Variants in CREB5 observed in about 807,000 individuals in gnomAD.
CREB5 encodes the protein cyclic AMP-responsive element-binding protein 5.
In CREB5, 19 loss-of-function variants were observed where a neutral mutation model predicts 57.1. The observed-to-expected ratio is 0.33, with a 90% CI of 0.23 to 0.49. The LOEUF (loss-of-function observed/expected upper bound fraction) is 0.49, where lower values mean the gene tolerates loss of function less well. CREB5 is among the 20% of genes least tolerant of loss of function. CREB5 has a pLI of 0.99. For synonymous variants in CREB5, 238 were observed against 238.3 expected (o/e 1.00, Z 0.01); for missense variants, 579 against 671.6 (o/e 0.86, Z 1.52).
intron 5 of CREB5, among the ~76,000 whole-genome samples, chr7:28,634,109 G>A (rs1328544323): frequency 6.6e-6 from 1 of 152,162 alleles, no homozygotes; most frequent in Non-Finnish European, 1.5e-5. Context: ...TTTCCTAAGT[G>A]TGATCTTGGT....
chr7:28,476,770 T>G (rs217506), intron 1 of CREB5, among the ~76,000 whole-genome samples: 110,797 of 152,168 alleles, frequency 0.73, 40,808 homozygotes, highest in African/African-American at 0.8. Context: ...ATATATGTGT[T>G]TGCAGCTTGA....
At chr7:28,419,920 C>T (rs1788174557) in intron 1 of CREB5, among the ~76,000 whole-genome samples, 1 of 152,156 alleles carries the variant, frequency 6.6e-6, no homozygotes, top group Non-Finnish European at 1.5e-5. Context: ...CAGGGTTGTG[C>T]TGTGTTGACG....
At chr7:28,785,131 C>T (rs1807241724) in intron 7 of CREB5, among the ~76,000 whole-genome samples, 3 of 152,168 alleles carry the variant, frequency 2.0e-5, no homozygotes, top group Admixed American at 2.0e-4. Flanking sequence ...GAAAAATAAA[C>T]AGTCACCATC....
intron 1 of CREB5, among the ~76,000 whole-genome samples, chr7:28,445,590 T>G (rs375748109): frequency 1.2e-4 from 19 of 152,078 alleles, no homozygotes; most frequent in Middle Eastern, 3.4e-3. Flanking sequence ...CTCGCTCTGT[T>G]GCCCAGGCTG....
chr7:28,694,367 A>C (rs1412963738), intron 5 of CREB5, among the ~76,000 whole-genome samples: 1 of 152,098 alleles, frequency 6.6e-6, no homozygotes, highest in African/African-American at 2.4e-5. Flanking sequence ...CTCTATAGCC[A>C]GATTATTTTT....
At chr7:28,357,347 T>C (rs939700249) in intron 1 of CREB5, among the ~76,000 whole-genome samples, 2 of 152,200 alleles carry the variant, frequency 1.3e-5, no homozygotes, top group African/African-American at 4.8e-5. Flanking sequence ...GTTTCCTTTC[T>C]TTTCTTGCAA....
chr7:28,552,397 C>T (rs752465625), intron 4 of CREB5, among the ~76,000 whole-genome samples: 3 of 152,130 alleles, frequency 2.0e-5, no homozygotes, highest in African/African-American at 4.8e-5. Flanking sequence ...TTGTTATTAT[C>T]GAGGCCATCC....
At chr7:28,420,564 TG>T (rs1245830903) in intron 1 of CREB5, among the ~76,000 whole-genome samples, 1 of 151,764 alleles carries the variant, frequency 6.6e-6, no homozygotes, top group Non-Finnish European at 1.5e-5. Flanking sequence ...CCCAGCACTT[TG>T]GGAGGCCAAG....
At chr7:28,410,855 A>C (rs1047063781), upstream of CREB5, 11 of 303,920 alleles carry the variant, frequency 3.6e-5, no homozygotes, top group Non-Finnish European at 5.9e-5. Flanking sequence ...GCATCCCCCT[A>C]CCCTCCCCAC....
chr7:28,410,138 C>T (rs1787713577), upstream of CREB5: 4 of 387,012 alleles, frequency 1.0e-5, no homozygotes, highest in Admixed American at 3.2e-5. Context: ...CGCCGGGCTG[C>T]CGGCTGCAGC....
chr7:28,619,722 C>T (rs1017723676), intron 5 of CREB5, among the ~76,000 whole-genome samples: 9 of 152,092 alleles, frequency 5.9e-5, no homozygotes, highest in Non-Finnish European at 1.3e-4. Context: ...ATAAGCCCAC[C>T]TCTGTTACTC....
At chr7:28,475,388 T>C (rs902018290) in intron 1 of CREB5, among the ~76,000 whole-genome samples, 3 of 149,348 alleles carry the variant, frequency 2.0e-5, no homozygotes, top group African/African-American at 4.9e-5. Context: ...CTGGGTAACA[T>C]AGTGAGACCC....
rs564791043 is a variant in CREB5 at position 28,476,048 on chromosome 7, C to T, written c.4-12127C>T. 3.9e-5 allele frequency among the ~76,000 whole-genome samples: 6 copies of T among 152,248 alleles called. No individual in the cohort carries two copies. In the South Asian group the frequency reaches 6.2e-4, roughly 16 times the overall value. Reference sequence around the variant, plus strand: ...TTGTCATTGTTGTAAAAGAGCCCAACGCAGTGGAATGAAAAACAAACGAAC... The same window carrying T: ...TTGTCATTGTTGTAAAAGAGCCCAATGCAGTGGAATGAAAAACAAACGAAC... On this transcript the variant is annotated intron_variant, in intron 1 of 10. Coordinates refer to ENST00000357727, the MANE Select transcript of CREB5 (RefSeq NM_182898.4).
At chr7:28,534,333 C>T (rs191357324) in intron 4 of CREB5, among the ~76,000 whole-genome samples, 1 of 152,198 alleles carries the variant, frequency 6.6e-6, no homozygotes, top group East Asian at 1.9e-4. Context: ...GATGCTCTGG[C>T]CTCTGTGTCT....
At chr7:28,492,417 T>A (rs899962358) in intron 2 of CREB5, among the ~76,000 whole-genome samples, 3 of 152,228 alleles carry the variant, frequency 2.0e-5, no homozygotes, top group Non-Finnish European at 4.4e-5. Context: ...CTTTGCCTTC[T>A]AAATGAACCA....
intron 4 of CREB5, among the ~76,000 whole-genome samples, chr7:28,545,084 A>G (rs1794364136): frequency 6.6e-6 from 1 of 152,152 alleles, no homozygotes; most frequent in Non-Finnish European, 1.5e-5. Flanking sequence ...TTTTCATTTC[A>G]GCACTGCTTA....
rs191468804 is a variant in CREB5 at position 28,483,419 on chromosome 7, C to G, written c.4-4756C>G. On this transcript the variant is annotated intron_variant, in intron 1 of 10. Coordinates refer to ENST00000357727, the MANE Select transcript of CREB5 (RefSeq NM_182898.4). ...CATCTCTTTGTCAACCATGAAAAAC[C>G]TCAACTCACTTTATGTGCTATTAGG... 2.6e-5 allele frequency among the ~76,000 whole-genome samples: 4 copies of G among 152,288 alleles called. No individual in the cohort carries two copies. In the East Asian group the frequency reaches 7.7e-4, roughly 29 times the overall value.
At chr7:28,720,454 T>G (rs1802965485) in intron 6 of CREB5, among the ~76,000 whole-genome samples, 1 of 152,138 alleles carries the variant, frequency 6.6e-6, no homozygotes, top group Non-Finnish European at 1.5e-5. Context: ...AGCTTGTGAG[T>G]GAAGAATTGT....
At chr7:28,355,756 T>A (rs1322686520) in intron 1 of CREB5, among the ~76,000 whole-genome samples, 1 of 152,216 alleles carries the variant, frequency 6.6e-6, no homozygotes, top group East Asian at 1.9e-4. Flanking sequence ...CCTGCCGCAT[T>A]TTTATGACAC....
Sources: gnomAD v4.1 joint callset for allele counts (sites outside exome capture counted in the v4.1 genomes callset) on GRCh38, gnomAD v4.1.1 for gene constraint, MANE v1.5 for transcripts, NCBI Gene and HGNC (gene_info 2026-07-23, HGNC 2026-07-21) for gene names.